The following STAB1 variants were observed in gnomAD, a reference collection of about 807,000 sequenced individuals.
The protein encoded by STAB1 is stabilin-1.
In STAB1, 250 loss-of-function variants were observed where a neutral mutation model predicts 332.4. That is an observed-to-expected ratio of 0.75 (90% confidence interval 0.68 to 0.84). STAB1 has a LOEUF of 0.84. Ranked by LOEUF, STAB1 falls within the 40% of genes least tolerant of loss-of-function variation. The probability of loss-of-function intolerance (pLI) is 0.00; values close to 1 mark genes in which losing one functional copy is unlikely to be tolerated. For synonymous variants in STAB1, 1,475 were observed against 1,390.4 expected (o/e 1.06, Z -1.35); for missense variants, 3,249 against 3,489.7 (o/e 0.93, Z 1.74).
chr3:52,518,308 C>A lies in STAB1; in HGVS notation c.4762-4C>A, dbSNP rs373715921. ...CAAATCTGAGCTGACCCTCGCCCCC[C>A]CAGGAGCTCCTGAGGGATAAGCATG... On this transcript the variant is annotated splice_polypyrimidine_tract_variant and splice_region_variant and intron_variant, in intron 45 of 68. Coordinates refer to ENST00000321725, the MANE Select transcript of STAB1 (RefSeq NM_015136.3). 2 of 1,612,676 alleles carry A rather than the reference C, an allele frequency of 1.2e-6. No homozygotes were observed. The highest frequency in any genetic ancestry group is 1.7e-6 in the Non-Finnish European group (2 of 1,179,798).
chr3:52,521,402 G>A lies in STAB1; in HGVS notation c.5950G>A (p.Val1984Met), dbSNP rs142954501. ...CAGCAGCCCTTGTAGTGACCGTGGC[G>A]TGTGCATGGACGGCATGAGTGGCAG... Reference protein sequence around the residue: ...GPSSPCSDRGVCMDGMSGSGQ... With the variant: ...GPSSPCSDRGMCMDGMSGSGQ... Residue 1984 changes from valine to methionine, a missense_variant, in exon 56 of 69, where the codon GTG becomes ATG. Transcript: ENST00000321725. 79 of 1,613,902 alleles carry A rather than the reference G, an allele frequency of 4.9e-5. No individual in the cohort carries two copies. The highest frequency in any genetic ancestry group is 8.3e-5 in the Admixed American group (5 of 60,014).
intron 21 of STAB1, among the ~76,000 whole-genome samples, chr3:52,508,829 C>CAAT (rs10532068): frequency 2.2e-4 from 33 of 150,200 alleles, no homozygotes; most frequent in East Asian, 3.9e-4. Context: ...CCCAAAATAA[C>CAAT]AATAATAATA....
intron 10 of STAB1, 141 bp from the exon 11 acceptor site, chr3:52,504,320 C>T (rs1708684244): frequency 7.3e-7 from 1 of 1,365,906 alleles, no homozygotes; most frequent in Non-Finnish European, 1.0e-6. Context: ...GCTCTCCAAC[C>T]TCAAGGCCCC....
In STAB1 at chr3:52,523,118, T is replaced by C. The variant is rs1553681882; in HGVS notation, c.7004T>C (p.Phe2335Ser). 6.3e-7 allele frequency: 1 copy of C among 1,585,108 alleles called. No homozygotes were observed. Among genetic ancestry groups the C allele is most frequent in the Non-Finnish European group, 8.6e-7 (1 of 1,164,602 alleles). The change falls in exon 63 of 69, where the codon TTC becomes TCC. Residue 2335 changes from phenylalanine to serine, a missense_variant. By Grantham distance (155) the Phe-to-Ser change is radical. Coordinates refer to ENST00000321725, the MANE Select transcript of STAB1 (RefSeq NM_015136.3). Reference sequence around the variant, plus strand: ...GATGTGCTGGCTGCCACTGCCAACTTCTCCACCTTCTATGGGGTGTGTGGG... The same window carrying C: ...GATGTGCTGGCTGCCACTGCCAACTCCTCCACCTTCTATGGGGTGTGTGGG... ...LLDVLAATAN[F>S]STFYGMLLGY...
intron 1 of STAB1, among the ~76,000 whole-genome samples, chr3:52,497,504 C>G (rs985970661): frequency 6.6e-6 from 1 of 150,980 alleles, no homozygotes; most frequent in African/African-American, 2.4e-5. Context: ...CCTCTGCCTC[C>G]CAGCTTCAAG....
At chr3:52,517,254 G>C in intron 42 of STAB1, 66 bp from the exon 43 acceptor site, 2 of 1,490,986 alleles carry the variant, frequency 1.3e-6, no homozygotes, top group Non-Finnish European at 1.8e-6. Flanking sequence ...ACAGATGAAG[G>C]TACAAAGGAC....
chr3:52,507,837 C>A, intron 19 of STAB1, 94 bp from the exon 20 acceptor site: 1 of 1,464,382 alleles, frequency 6.8e-7, no homozygotes, highest in Non-Finnish European at 9.5e-7. Flanking sequence ...GAGTTCTGGA[C>A]CCAGGGGGCA....
intron 33 of STAB1, 59 bp downstream of exon 33, chr3:52,514,272 C>T: frequency 1.2e-6 from 2 of 1,601,682 alleles, no homozygotes; most frequent in Non-Finnish European, 1.7e-6. Flanking sequence ...GGCGAGCCTC[C>T]AATCCCACCA....
chr3:52,510,273 G>A lies in STAB1; in HGVS notation c.2628+38G>A, dbSNP rs777438676. ...GCTCCTTCCCTGAAGTTCTGACCCA[G>A]AGGCAGGAGGTGGGATGCCCTGGCC... On this transcript the variant is annotated intron_variant, in intron 24 of 68. Transcript: ENST00000321725. 24 of 1,613,864 alleles carry A rather than the reference G, an allele frequency of 1.5e-5. No individual in the cohort carries two copies. The African/African-American group carries it at 3.1e-4, about 21-fold the overall frequency.
intron 14 of STAB1, 42 bp from the exon 15 acceptor site, chr3:52,505,626 G>T: frequency 1.3e-6 from 2 of 1,593,446 alleles, no homozygotes; most frequent in Non-Finnish European, 8.6e-7. Context: ...AGAGGTGGAG[G>T]CTGGCCATGC....
At position 52,520,909 on chromosome 3, in the gene STAB1, A is replaced by G. The variant is rs779349592; in HGVS notation, c.5812A>G (p.Arg1938Gly). 8 of 1,605,076 alleles carry G rather than the reference A, an allele frequency of 5.0e-6. No homozygotes were observed. The Admixed American group carries it at 5.1e-5, about 10-fold the overall frequency. The change falls in exon 55 of 69, where the codon AGG becomes GGG. Residue 1938 changes from arginine (R) to glycine (G), a missense_variant. By Grantham distance (125) the Arg-to-Gly change is moderately radical (BLOSUM62 -2). Transcript: ENST00000321725. ...CTGGGTCCACCCCAGCCTTTGGGGT[A>G]GGCCCCAAGGCCTGGGCAGGGGCTG... ...SVWVHPSLWGRPQGLGRGCHR... is the reference protein window; with the variant it reads ...SVWVHPSLWGGPQGLGRGCHR...
rs763673136 is a variant in STAB1 at position 52,518,829 on chromosome 3, C to G, written c.4994C>G (p.Thr1665Arg). ...SEDLLEQGYA[T>R]ALSGHPLRFS... ...GACCTGCTGGAGCAGGGGTACGCCACGGCCCTCTCAGGGCACCCACTGCGC... is the reference window on the plus strand; with the variant it reads ...GACCTGCTGGAGCAGGGGTACGCCAGGGCCCTCTCAGGGCACCCACTGCGC... Residue 1665 changes from threonine (T) to arginine (R), a missense_variant, in exon 48 of 69, where the codon ACG becomes AGG. Transcript: ENST00000321725. 1 of 1,608,712 alleles carries G rather than the reference C, an allele frequency of 6.2e-7. No homozygotes were observed. The highest frequency in any genetic ancestry group is 8.5e-7 in the Non-Finnish European group (1 of 1,179,302).
At chr3:52,499,695 C>G (rs922136355) in intron 1 of STAB1, among the ~76,000 whole-genome samples, 3 of 150,338 alleles carry the variant, frequency 2.0e-5, no homozygotes, top group Non-Finnish European at 4.5e-5. Flanking sequence ...GTCAGGAGAT[C>G]GAGACCAACC....
Position 52,520,113 on chromosome 3 carries a change from A to T in STAB1, c.5405A>T (p.Asn1802Ile). The T allele has an allele frequency of 6.2e-7, 1 of 1,608,968 alleles. No individual in the cohort carries two copies. Among genetic ancestry groups the T allele is most frequent in the Non-Finnish European group, 8.5e-7 (1 of 1,176,786 alleles). Residue 1802 changes from asparagine (N) to isoleucine (I), a missense_variant, in exon 51 of 69, where the codon AAT becomes ATT. Coordinates refer to ENST00000321725, the MANE Select transcript of STAB1 (RefSeq NM_015136.3). ...ATTCTGCGGGGCCACATGATTCGCA[A>T]TGTCGAGGTGGGTGCAGCCCCCAAC... is the stretch of plus-strand genomic sequence containing the variant. ...AAILRGHMIR[N>I]VEALASDLPN...
Position 52,516,534 on chromosome 3 carries a change from C to T in STAB1, c.4241-8C>T, listed in dbSNP as rs1266679303. The T allele has an allele frequency of 3.1e-6, 5 of 1,613,188 alleles. No homozygotes were observed. The highest frequency in any genetic ancestry group is 4.2e-6 in the Non-Finnish European group (5 of 1,179,964). On this transcript the variant is annotated splice_region_variant and splice_polypyrimidine_tract_variant and intron_variant, in intron 39 of 68. Coordinates refer to ENST00000321725, the MANE Select transcript of STAB1 (RefSeq NM_015136.3). ...CTGAATGACCAGAGTCATCCTCCTG[C>T]CCCCCAGAAATCACCAGCCCTCAGT...
At position 52,517,366 on chromosome 3, in the gene STAB1, C is replaced by G; in HGVS notation, c.4536C>G (p.Ala1512=). ...LIHHGGCHIH[A]ECIPTGPQQV... is the part of the protein sequence containing the mutation. ...ACCACGGGGGCTGCCACATTCACGC[C>G]GAGTGCATCCCCACTGGCCCCCAGC... Residue 1512 remains alanine (A), a synonymous_variant, in exon 43 of 69, where the codon GCC becomes GCG. Coordinates refer to ENST00000321725, the MANE Select transcript of STAB1 (RefSeq NM_015136.3). The G allele has an allele frequency of 6.2e-7, 1 of 1,605,570 alleles. No homozygotes were observed. Among genetic ancestry groups the G allele is most frequent in the African/African-American group, 1.3e-5 (1 of 74,668 alleles).
rs760566879 is a variant in STAB1, at chr3:52,505,663, C to T, written c.1582-5C>T. 1 of 1,613,080 alleles carries T rather than the reference C, an allele frequency of 6.2e-7. No homozygotes were observed. The highest frequency in any genetic ancestry group is 2.2e-5 in the East Asian group (1 of 44,906). On this transcript the variant is annotated splice_polypyrimidine_tract_variant and splice_region_variant and intron_variant, in intron 14 of 68. Coordinates refer to ENST00000321725, the MANE Select transcript of STAB1 (RefSeq NM_015136.3). The stretch of plus-strand genomic sequence containing the variant: ...ACCCCCTGAGCCTCCCTTGCACCAC[C>T]ACAGAACTGTGGGCTGCCCTCCATC...
intron 18 of STAB1, 147 bp downstream of exon 18, chr3:52,506,997 T>C (rs1048802777): frequency 9.0e-7 from 1 of 1,107,482 alleles, no homozygotes; most frequent in Non-Finnish European, 1.3e-6. Flanking sequence ...AGGACCCACC[T>C]GTGCTTCCCC....
chr3:52,524,041 T>G (rs1472738828), intron 67 of STAB1, 24 bp downstream of exon 67: 10 of 1,612,052 alleles, frequency 6.2e-6, no homozygotes, highest in South Asian at 1.1e-5. Flanking sequence ...GGGGCTGCCA[T>G]GGCGGGTCCT....
Sources: gnomAD v4.1 joint callset for allele counts (sites outside exome capture counted in the v4.1 genomes callset) on GRCh38, gnomAD v4.1.1 for gene constraint, MANE v1.5 for transcripts, NCBI Gene and HGNC (gene_info 2026-07-23, HGNC 2026-07-21) for gene names.